The following PLD3 variants were observed in gnomAD, a reference collection of about 807,000 sequenced individuals.
The protein encoded by PLD3 is phospholipase D family member 3, also known as 5'-3' exonuclease PLD3.
In PLD3, 31 loss-of-function variants were observed where a neutral mutation model predicts 58.4. The ratio of observed to expected loss-of-function variants is 0.53; its 90% CI spans 0.40 to 0.72. PLD3 has a LOEUF of 0.72. PLD3 is among the 30% of genes least tolerant of loss of function. The pLI is 0.00. For missense variants in PLD3, 595 were observed against 659.8 expected (o/e 0.90, Z 1.08); for synonymous variants, 264 against 273.4 (o/e 0.97, Z 0.34).
intron 9 of PLD3, among the ~76,000 whole-genome samples, chr19:40,372,950 A>G (rs1438389799): frequency 1.3e-5 from 2 of 152,210 alleles, no homozygotes; most frequent in Non-Finnish European, 2.9e-5. Context: ...AGTGACCACC[A>G]TATTGGACAT....
intron 1 of PLD3, chr19:40,358,345 C>T (rs1276516071): frequency 1.3e-5 from 2 of 152,902 alleles, no homozygotes; most frequent in South Asian, 2.0e-4. Context: ...CGGCTCACTG[C>T]AACCTCTGCC....
At chr19:40,371,258 C>T (rs2079060475) in intron 8 of PLD3, among the ~76,000 whole-genome samples, 2 of 151,996 alleles carry the variant, frequency 1.3e-5, no homozygotes, top group Admixed American at 1.3e-4. Context: ...ACTGAGACAT[C>T]CCTAGTGCCT....
chr19:40,373,756 G>A (rs1259390912), intron 9 of PLD3, among the ~76,000 whole-genome samples: 1 of 152,086 alleles, frequency 6.6e-6, no homozygotes, highest in Admixed American at 6.6e-5. Context: ...GGAGGCCTAG[G>A]CAGGTGGATT....
At chr19:40,362,878 A>G (rs2078821418) in intron 1 of PLD3, among the ~76,000 whole-genome samples, 1 of 152,138 alleles carries the variant, frequency 6.6e-6, no homozygotes, top group African/African-American at 2.4e-5. Flanking sequence ...ATCACTGACA[A>G]TTTGAACGAA....
At chr19:40,354,889 G>A (rs539672777) in intron 1 of PLD3, among the ~76,000 whole-genome samples, 1 of 151,968 alleles carries the variant, frequency 6.6e-6, no homozygotes, top group Non-Finnish European at 1.5e-5. Context: ...CCAGGCTACA[G>A]TGCAGTGGCA....
In PLD3 at chr19:40,366,425, GACCCTGACAC is replaced by G. The variant is rs1353310857; in HGVS notation, c.-54_-45del. On this transcript the variant is annotated 5_prime_UTR_variant, in exon 3 of 13. Coordinates refer to ENST00000409735, the MANE Select transcript of PLD3 (RefSeq NM_012268.4). ...CCCACTTTTGTTCTGCCAGTTTGGA[GACCCTGACAC>G]ACCCACCTTCTCACCTGGGCTCTGC... is the stretch of plus-strand genomic sequence containing the variant. The G allele has an allele frequency of 5.2e-6, 8 of 1,536,274 alleles. No individual in the cohort carries two copies. Among genetic ancestry groups the G allele is most frequent in the Non-Finnish European group, 7.2e-6 (8 of 1,109,386 alleles).
At chr19:40,367,598 C>T in intron 5 of PLD3, 98 bp from the exon 6 acceptor site, 2 of 975,364 alleles carry the variant, frequency 2.1e-6, no homozygotes, top group Non-Finnish European at 3.0e-6. Flanking sequence ...AAAAAAAATA[C>T]AGTCTATCCA....
chr19:40,378,244 T>C lies in PLD3; in HGVS notation c.*71T>C, dbSNP rs765205211. 5 of 1,426,754 alleles carry C rather than the reference T, an allele frequency of 3.5e-6. No individual in the cohort carries two copies. The highest frequency in any genetic ancestry group is 1.2e-5 in the South Asian group (1 of 86,746). 88.4% of individuals were successfully genotyped at this position (1,426,754 alleles called of 1,614,324 possible). On this transcript the variant is annotated 3_prime_UTR_variant, in exon 13 of 13. Transcript: ENST00000409735. ...CCCAGGTGCTCTGGGTCACGGTCCCTGTCCCCGCGCCCCCGCTTCTGTCTG... is the reference window on the plus strand; with the variant it reads ...CCCAGGTGCTCTGGGTCACGGTCCCCGTCCCCGCGCCCCCGCTTCTGTCTG...
intron 1 of PLD3, 193 bp from the exon 2 acceptor site, chr19:40,365,525 T>C (rs2078895769): frequency 6.6e-6 from 1 of 152,256 alleles, no homozygotes; most frequent in Admixed American, 6.5e-5. Context: ...GTTTTATTAA[T>C]TTCATTTATG....
chr19:40,372,008 G>C, intron 9 of PLD3, 135 bp downstream of exon 9: 1 of 718,262 alleles, frequency 1.4e-6, no homozygotes. Flanking sequence ...ATTCTGCTTG[G>C]TCAGGGGCCT....
chr19:40,371,472 C>T (rs1417464263), intron 8 of PLD3: 8 of 583,088 alleles, frequency 1.4e-5, no homozygotes, highest in South Asian at 6.4e-5. Flanking sequence ...AGATTGCAAA[C>T]GTTCAGGAAA....
intron 1 of PLD3, among the ~76,000 whole-genome samples, chr19:40,355,121 G>A (rs965138713): frequency 8.5e-5 from 13 of 152,068 alleles, no homozygotes; most frequent in African/African-American, 3.1e-4. Context: ...TTACAAGCAT[G>A]AGCCACCATG....
At chr19:40,368,437 T>TA (rs1455443870) in intron 6 of PLD3, among the ~76,000 whole-genome samples, 1 of 152,194 alleles carries the variant, frequency 6.6e-6, no homozygotes, top group African/African-American at 2.4e-5. Context: ...CAGACAAACT[T>TA]AAAGAACATA....
intron 10 of PLD3, among the ~76,000 whole-genome samples, chr19:40,375,355 G>A (rs2079167879): frequency 6.6e-6 from 1 of 151,208 alleles, no homozygotes; most frequent in South Asian, 2.1e-4. Context: ...CCTGGGATAA[G>A]AAGGATAACA....
chr19:40,353,133 T>C (rs1271035974), intron 1 of PLD3, among the ~76,000 whole-genome samples: 1 of 152,126 alleles, frequency 6.6e-6, no homozygotes, highest in East Asian at 1.9e-4. Flanking sequence ...TGCCCTGGAA[T>C]ACAACTGAGC....
At chr19:40,373,113 T>C (rs2079105942) in intron 9 of PLD3, among the ~76,000 whole-genome samples, 1 of 152,172 alleles carries the variant, frequency 6.6e-6, no homozygotes, top group Admixed American at 6.5e-5. Context: ...CTGAGCAAGT[T>C]ACCTGTCCAA....
intron 1 of PLD3, among the ~76,000 whole-genome samples, chr19:40,364,706 G>A (rs994869528): frequency 1.3e-5 from 2 of 151,318 alleles, no homozygotes; most frequent in Non-Finnish European, 2.9e-5. Context: ...TGAGGTGGGC[G>A]AATTGCTCGA....
At position 40,376,669 on chromosome 19, in the gene PLD3, G is replaced by T; in HGVS notation, c.1080G>T (p.Val360=). 1 of 1,606,828 alleles carries T rather than the reference G, an allele frequency of 6.2e-7. No homozygotes were observed. Residue 360 remains valine, a synonymous_variant, in exon 11 of 13, where the codon GTG becomes GTT. Coordinates refer to ENST00000409735, the MANE Select transcript of PLD3 (RefSeq NM_012268.4). ...RRATYERGVK[V]RLLISCWGHS... ...CCACCTACGAGCGTGGCGTCAAGGT[G>T]CGCCTGCTCATCAGCTGCTGGGGAC...
chr19:40,378,184 A>G lies in PLD3; in HGVS notation c.*11A>G. The stretch of plus-strand genomic sequence containing the variant: ...TGCCGCCTGCTCTGAGGCCCGATCC[A>G]GTGGGCAGGCCAAGGCCTGCTGGGC... On this transcript the variant is annotated 3_prime_UTR_variant, in exon 13 of 13. Coordinates refer to ENST00000409735, the MANE Select transcript of PLD3 (RefSeq NM_012268.4). 1.9e-6 allele frequency: 3 copies of G among 1,603,396 alleles called. No individual in the cohort carries two copies. Among genetic ancestry groups the G allele is most frequent in the Non-Finnish European group, 2.6e-6 (3 of 1,174,462 alleles).
Sources: gnomAD v4.1 joint callset for allele counts (sites outside exome capture counted in the v4.1 genomes callset) on GRCh38, gnomAD v4.1.1 for gene constraint, MANE v1.5 for transcripts, NCBI Gene and HGNC (gene_info 2026-07-23, HGNC 2026-07-21) for gene names.